The following HIGD1B variants were observed in gnomAD, a reference collection of about 807,000 sequenced individuals.
HIGD1B encodes HIG1 domain family member 1B.
A neutral mutation model predicts 8.8 loss-of-function variants in HIGD1B; 9 were observed. That is an observed-to-expected ratio of 1.02 (90% CI 0.62 to 1.78). The LOEUF is 1.78. Among genes scored for constraint, HIGD1B ranks in the 40% most tolerant of loss-of-function variants. The pLI is 0.00. For synonymous variants in HIGD1B, 47 were observed against 38.8 expected (o/e 1.21, Z -0.78); for missense variants, 126 against 111.8 (o/e 1.13, Z -0.57).
chr17:44,849,438 T>C (rs1279624505), intron 2 of HIGD1B, 50 bp downstream of exon 2: 3 of 1,604,942 alleles, frequency 1.9e-6, no homozygotes, highest in Admixed American at 1.7e-5. Flanking sequence ...GATTATGCAG[T>C]TTGTAGGTCT....
At chr17:44,848,907 T>C (rs1378690076) in intron 1 of HIGD1B, among the ~76,000 whole-genome samples, 1 of 151,964 alleles carries the variant, frequency 6.6e-6, no homozygotes, top group Non-Finnish European at 1.5e-5. Context: ...TCCTGAGTAG[T>C]TGGGATTATA....
intron 2 of HIGD1B, chr17:44,849,943 A>G (rs112467709): frequency 3.2e-4 from 69 of 213,068 alleles, no homozygotes; most frequent in African/African-American, 1.5e-3. Flanking sequence ...GCAACAGAAC[A>G]GATGTTGAAT....
chr17:44,849,074 G>T (rs576347968), intron 1 of HIGD1B, 180 bp from the exon 2 acceptor site: 108 of 616,324 alleles, frequency 1.8e-4, no homozygotes, highest in African/African-American at 1.6e-3. Flanking sequence ...CCATGCCCCG[G>T]CAACAACTCA....
Position 44,850,352 on chromosome 17 carries a change from A to G in HIGD1B, c.256A>G (p.Ser86Gly). 1.2e-6 allele frequency: 2 copies of G among 1,613,408 alleles called. No individual in the cohort carries two copies. Among genetic ancestry groups the G allele is most frequent in the Non-Finnish European group, 1.7e-6 (2 of 1,179,612 alleles). Reference sequence around the variant, plus strand: ...CACAGGTGCTGTGTACACAATGTACAGCGATTACGTCAAGAGGATGGCACA... The same window carrying G: ...CACAGGTGCTGTGTACACAATGTACGGCGATTACGTCAAGAGGATGGCACA... ...IMLGAVYTMY[S>G]DYVKRMAQDA... Residue 86 changes from serine (S) to glycine (G), a missense_variant, in exon 3 of 3, where the codon AGC becomes GGC. Transcript: ENST00000253410.
chr17:44,845,047 C>T (rs2050310773), upstream of HIGD1B, among the ~76,000 whole-genome samples: 1 of 151,986 alleles, frequency 6.6e-6, no homozygotes, highest in South Asian at 2.1e-4. Context: ...CACCTGAGGT[C>T]AGGAGTTGGA....
intron 2 of HIGD1B, 86 bp downstream of exon 2, chr17:44,849,474 G>A (rs1244530406): frequency 2.6e-6 from 4 of 1,527,752 alleles, no homozygotes; most frequent in Non-Finnish European, 3.6e-6. Flanking sequence ...TAAAAGGACT[G>A]TGCTTGGCTG....
rs978295688 is a variant in HIGD1B, at chr17:44,850,256, C to T, written c.236-76C>T. 8 of 1,178,060 alleles carry T rather than the reference C, an allele frequency of 6.8e-6. No homozygotes were observed. The African/African-American group carries it at 1.2e-4, about 17-fold the overall frequency. 73.0% of individuals were successfully genotyped at this position (1,178,060 alleles called of 1,614,324 possible). On this transcript the variant is annotated intron_variant, in intron 2 of 2. Coordinates refer to ENST00000253410, the MANE Select transcript of HIGD1B (RefSeq NM_016438.4). Reference sequence around the variant, plus strand: ...CTCAAGGGAGCAGCTAGAGGTGAACCCCTAGGACGCCTGAGAGCCAGAGGA... The same window carrying T: ...CTCAAGGGAGCAGCTAGAGGTGAACTCCTAGGACGCCTGAGAGCCAGAGGA...
At chr17:44,849,483 T>C in intron 2 of HIGD1B, 95 bp downstream of exon 2, 1 of 1,451,266 alleles carries the variant, frequency 6.9e-7, no homozygotes. Flanking sequence ...TGTGCTTGGC[T>C]GGGCGCGGTG....
At chr17:44,846,997 C>T (rs1350339026), upstream of HIGD1B, among the ~76,000 whole-genome samples, 1 of 151,482 alleles carries the variant, frequency 6.6e-6, no homozygotes, top group Non-Finnish European at 1.5e-5. Context: ...ATTAGCTGGG[C>T]ATGGTACACA....
At chr17:44,847,100 G>C (rs879859239), upstream of HIGD1B, among the ~76,000 whole-genome samples, 58 of 152,126 alleles carry the variant, frequency 3.8e-4, no homozygotes, top group Non-Finnish European at 2.6e-4. Flanking sequence ...TGGCACCACT[G>C]CACTCCAGCC....
chr17:44,849,349 G>C lies in HIGD1B; in HGVS notation c.196G>C (p.Val66Leu). The change falls in exon 2 of 3, where the codon GTG (valine) becomes CTG (leucine). Residue 66 changes from valine (V) to leucine (L), a missense_variant. Val to Leu is a conservative substitution (Grantham distance 32, BLOSUM62 1). Transcript: ENST00000253410. ...KMSIHLIHTR[V>L]AAQACAVGAI... ...GTCCATACACCTGATTCACACCCGA[G>C]TGGCAGCGCAGGCCTGTGCAGTGGG... is the stretch of plus-strand genomic sequence containing the variant. The C allele has an allele frequency of 6.2e-7, 1 of 1,614,202 alleles. No individual in the cohort carries two copies. Among genetic ancestry groups the C allele is most frequent in the South Asian group, 1.1e-5 (1 of 91,086 alleles).
intron 1 of HIGD1B, among the ~76,000 whole-genome samples, chr17:44,848,570 G>A (rs2050357487): frequency 6.6e-6 from 1 of 152,158 alleles, no homozygotes; most frequent in South Asian, 2.1e-4. Flanking sequence ...TAGGAAAACA[G>A]CTGTACCAGG....
chr17:44,848,579 G>A (rs1229148254), intron 1 of HIGD1B, among the ~76,000 whole-genome samples: 1 of 152,140 alleles, frequency 6.6e-6, no homozygotes, highest in East Asian at 1.9e-4. Flanking sequence ...AGCTGTACCA[G>A]GAGGTGGGAG....
intron 2 of HIGD1B, among the ~76,000 whole-genome samples, chr17:44,849,621 G>A (rs1355210206): frequency 1.3e-5 from 2 of 151,954 alleles, no homozygotes; most frequent in South Asian, 2.1e-4. Context: ...TTAGCTGGGC[G>A]TGGCGGCAGG....
rs1208310578 is a variant in HIGD1B at position 44,848,236 on chromosome 17, TC to T, written c.86del (p.Pro29HisfsTer5). The T allele has an allele frequency of 1.1e-6, 1 of 872,880 alleles. No homozygotes were observed. The highest frequency in any genetic ancestry group is 2.0e-6 in the Non-Finnish European group (1 of 501,646). The allele number at this position is 872,880 out of a possible 1,614,324, so 54.1% of individuals were successfully genotyped here. A position where few individuals can be genotyped will look rare whatever the true frequency, so the allele number is the denominator to read the frequency against. On this transcript the variant is annotated frameshift_variant, in exon 1 of 3. Coordinates refer to ENST00000253410, the MANE Select transcript of HIGD1B (RefSeq NM_016438.4). LOFTEE classifies it high-confidence loss of function. ...EKLLRKTRES[P>X]LVPIGLGGCL... is the part of the protein sequence containing the mutation. ...AGCTCCTGAGGAAGACTCGGGAATC[TC>T]CACTGGTGCCTATAGGTAAGTGAAG...
rs760366651 is a variant in HIGD1B at position 44,850,320 on chromosome 17, T to C, written c.236-12T>C. ...TGATGCCAAGGGGCATTATTTCTTT[T>C]CTCTCACACAGGTGCTGTGTACACA... is the stretch of plus-strand genomic sequence containing the variant. On this transcript the variant is annotated splice_polypyrimidine_tract_variant and intron_variant, in intron 2 of 2. Coordinates refer to ENST00000253410, the MANE Select transcript of HIGD1B (RefSeq NM_016438.4). 50 of 1,609,146 alleles carry C rather than the reference T, an allele frequency of 3.1e-5. No individual in the cohort carries two copies. The highest frequency in any genetic ancestry group is 4.1e-5 in the Non-Finnish European group (48 of 1,177,190).
intron 2 of HIGD1B, 185 bp from the exon 3 acceptor site, chr17:44,850,147 T>C (rs1451614018): frequency 1.4e-5 from 8 of 556,254 alleles, no homozygotes; most frequent in Non-Finnish European, 2.3e-5. Context: ...AACTGTCAGA[T>C]AAGTGGTTTC....
chr17:44,845,796 G>A (rs1465725788), upstream of HIGD1B, among the ~76,000 whole-genome samples: 7 of 152,082 alleles, frequency 4.6e-5, no homozygotes, highest in Non-Finnish European at 1.0e-4. Context: ...GCTGGGTATG[G>A]TGGCACATGC....
At chr17:44,849,759 A>AG (rs1491438064) in intron 2 of HIGD1B, among the ~76,000 whole-genome samples, 1 of 82,594 alleles carries the variant, frequency 1.2e-5, no homozygotes, top group Admixed American at 1.1e-4. Context: ...ACTCTGTCTC[A>AG]AAAAAAAAAA....
Sources: gnomAD v4.1 joint callset for allele counts (sites outside exome capture counted in the v4.1 genomes callset) on GRCh38, gnomAD v4.1.1 for gene constraint, MANE v1.5 for transcripts, NCBI Gene and HGNC (gene_info 2026-07-23, HGNC 2026-07-21) for gene names.